Variants in DNAH8 observed in about 807,000 individuals in gnomAD.
The protein encoded by DNAH8 is dynein axonemal heavy chain 8.
A neutral mutation model predicts 562.1 loss-of-function variants in DNAH8; 382 were observed. The observed-to-expected ratio is 0.68, with a 90% CI of 0.63 to 0.74. The LOEUF (loss-of-function observed/expected upper bound fraction) is 0.74. Among genes scored for constraint, DNAH8 ranks in the 30% least tolerant of loss-of-function variants. The pLI, the probability that DNAH8 is intolerant of heterozygous loss-of-function variation, is 0.00. For missense variants in DNAH8, 5,203 were observed against 5,620.4 expected (o/e 0.93, Z 2.37); for synonymous variants, 1,881 against 1,919.4 (o/e 0.98, Z 0.52).
At chr6:38,877,922 A>T (rs1778153917) in intron 53 of DNAH8, among the ~76,000 whole-genome samples, 1 of 152,194 alleles carries the variant, frequency 6.6e-6, no homozygotes, top group South Asian at 2.1e-4. Flanking sequence ...AGGTGATTGC[A>T]TTAGTTTATT....
Position 38,954,721 on chromosome 6 carries a change from A to T in DNAH8, c.12451+3201A>T, listed in dbSNP as rs1353827797. Among the ~76,000 whole-genome samples the T allele has an allele frequency of 1.6e-3, 2 of 1,232 alleles. 1 individual carries two copies. The highest frequency in any genetic ancestry group is 0.013 in the Admixed American group (2 of 158). The allele number at this position is 1,232 out of a possible 152,430, so 0.8% of individuals were successfully genotyped here. Reference sequence around the variant, plus strand: ...CCGTCTCAAAAAAAAAAAAAAAAAAAAAAAAAATAAATTACAGCATCTCAT... The same window carrying T: ...CCGTCTCAAAAAAAAAAAAAAAAAATAAAAAAATAAATTACAGCATCTCAT... On this transcript the variant is annotated intron_variant, in intron 82 of 92. Coordinates refer to ENST00000327475, the MANE Select transcript of DNAH8 (RefSeq NM_001206927.2).
chr6:38,851,540 A>T (rs755246838), intron 38 of DNAH8, 32 bp from the exon 39 acceptor site: 1 of 1,411,338 alleles, frequency 7.1e-7, no homozygotes, highest in Admixed American at 2.2e-5. Flanking sequence ...AAAAAAAACC[A>T]CTTGGTAACA....
chr6:38,755,085 T>G (rs1039526624), intron 9 of DNAH8, among the ~76,000 whole-genome samples: 1 of 152,126 alleles, frequency 6.6e-6, no homozygotes, highest in African/African-American at 2.4e-5. Context: ...ATGGTTGGTT[T>G]ATTTCATGTT....
At chr6:38,782,864 C>T (rs1768775537) in intron 16 of DNAH8, 140 bp from the exon 17 acceptor site, 1 of 705,862 alleles carries the variant, frequency 1.4e-6, no homozygotes, top group Non-Finnish European at 2.3e-6. Context: ...TGGCCTTCCC[C>T]ATCTCTGTTT....
intron 57 of DNAH8, among the ~76,000 whole-genome samples, chr6:38,889,849 C>T (rs1382167987): frequency 7.9e-5 from 12 of 152,078 alleles, no homozygotes; most frequent in Non-Finnish European, 1.5e-5. Context: ...TTTCTTTAGT[C>T]TCCACTCTTC....
At chr6:38,762,314 A>G (rs901864635) in intron 11 of DNAH8, among the ~76,000 whole-genome samples, 3 of 152,210 alleles carry the variant, frequency 2.0e-5, no homozygotes, top group Non-Finnish European at 2.9e-5. Flanking sequence ...TCTTCTGCAT[A>G]TATTTATTGA....
intron 85 of DNAH8, 101 bp from the exon 86 acceptor site, chr6:38,982,245 C>A: frequency 1.6e-6 from 1 of 641,936 alleles, no homozygotes; most frequent in South Asian, 2.1e-5. Flanking sequence ...AAACTAATGT[C>A]AATTTATTTT....
intron 65 of DNAH8, among the ~76,000 whole-genome samples, chr6:38,910,324 A>T (rs1304114342): frequency 1.3e-5 from 2 of 152,172 alleles, no homozygotes; most frequent in Non-Finnish European, 2.9e-5. Flanking sequence ...TCCCCAAAGC[A>T]TGACAGTCAC....
chr6:38,782,559 G>T (rs1344906891), intron 16 of DNAH8, among the ~76,000 whole-genome samples: 1 of 152,236 alleles, frequency 6.6e-6, no homozygotes, highest in East Asian at 1.9e-4. Flanking sequence ...TGGGATTACA[G>T]GCGTGAGCTA....
chr6:38,786,740 A>C, intron 17 of DNAH8, 25 bp from the exon 18 acceptor site: 1 of 1,602,562 alleles, frequency 6.2e-7, no homozygotes, highest in Non-Finnish European at 8.5e-7. Context: ...CAGAATGAGT[A>C]ATGTCAATCA....
At chr6:38,955,513 C>T (rs574214434) in intron 82 of DNAH8, among the ~76,000 whole-genome samples, 1 of 151,976 alleles carries the variant, frequency 6.6e-6, no homozygotes. Flanking sequence ...CACTTGTAAT[C>T]CCAGTTACTC....
At chr6:38,828,138 A>G (rs1773523734) in intron 29 of DNAH8, 46 bp from the exon 30 acceptor site, 1 of 1,253,810 alleles carries the variant, frequency 8.0e-7, no homozygotes. Flanking sequence ...TCATTTGGCA[A>G]TGGCTTTCCC....
chr6:38,738,358 G>C (rs1764265373), intron 7 of DNAH8, among the ~76,000 whole-genome samples: 1 of 152,160 alleles, frequency 6.6e-6, no homozygotes, highest in Admixed American at 6.5e-5. Flanking sequence ...TCGATCAGTG[G>C]AGTTGTCTGT....
At chr6:38,890,623 T>A (rs113305545) in intron 57 of DNAH8, 29 bp from the exon 58 acceptor site, 1 of 1,477,556 alleles carries the variant, frequency 6.8e-7, no homozygotes, top group Non-Finnish European at 9.5e-7. Flanking sequence ...TTTGGTAAGC[T>A]TATACCTTCA....
intron 86 of DNAH8, 132 bp downstream of exon 86, chr6:38,982,594 T>TG (rs1764109715): frequency 1.7e-6 from 1 of 599,548 alleles, no homozygotes; most frequent in Non-Finnish European, 3.0e-6. Flanking sequence ...GACTTGTTGC[T>TG]GTAATCAGGC....
At chr6:38,872,387 A>C (rs1777536276) in intron 49 of DNAH8, 149 bp from the exon 50 acceptor site, 2 of 787,972 alleles carry the variant, frequency 2.5e-6, no homozygotes, top group African/African-American at 3.5e-5. Flanking sequence ...ATGCACATCT[A>C]GTAAAACAAC....
At chr6:38,871,677 C>T (rs112550550) in intron 49 of DNAH8, among the ~76,000 whole-genome samples, 17 of 152,288 alleles carry the variant, frequency 1.1e-4, no homozygotes, top group African/African-American at 4.1e-4. Context: ...CAGCGGCTGT[C>T]CATGATCCTA....
intron 42 of DNAH8, 34 bp from the exon 43 acceptor site, chr6:38,860,423 A>G: frequency 8.0e-7 from 1 of 1,244,580 alleles, no homozygotes; most frequent in Non-Finnish European, 1.1e-6. Context: ...ATTGCAATTC[A>G]GTATATAATT....
At position 38,961,336 on chromosome 6, in the gene DNAH8, C is replaced by T. The variant is rs775589463; in HGVS notation, c.12451+9816C>T. 5.3e-5 allele frequency among the ~76,000 whole-genome samples: 8 copies of T among 151,856 alleles called. No homozygotes were observed. In the South Asian group the frequency reaches 6.2e-4, roughly 12 times the overall value. Reference sequence around the variant, plus strand: ...CAGGGAAATGAAAATTATGTTGTGACGGATATCTAAATTACCTGATTTGAT... The same window carrying T: ...CAGGGAAATGAAAATTATGTTGTGATGGATATCTAAATTACCTGATTTGAT... On this transcript the variant is annotated intron_variant, in intron 82 of 92. Coordinates refer to ENST00000327475, the MANE Select transcript of DNAH8 (RefSeq NM_001206927.2).
Sources: allele counts gnomAD v4.1 joint callset (sites outside exome capture counted in the v4.1 genomes callset), GRCh38; gene constraint gnomAD v4.1.1; transcripts MANE v1.5; gene names NCBI Gene and HGNC (gene_info 2026-07-23, HGNC 2026-07-21).